Variants in OPA1 observed in about 807,000 individuals in gnomAD.
OPA1 encodes OPA1 mitochondrial dynamin like GTPase.
OPA1 carries 59 observed loss-of-function variants against 152.9 expected under a neutral mutation model. That is an observed-to-expected ratio of 0.39 (90% CI 0.31 to 0.48). OPA1 has a LOEUF of 0.48. Ranked by LOEUF, OPA1 falls within the 20% of genes least tolerant of loss-of-function variation. The pLI is 0.96. For missense variants in OPA1, 1,008 were observed against 1,216.8 expected, an observed-to-expected ratio of 0.83 and a Z score of 2.55; for synonymous variants, 400 against 389.9, an observed-to-expected ratio of 1.03 and a Z score of -0.31.
chr3:193,691,279 A>G (rs1373041601), intron 29 of OPA1: 1 of 152,204 alleles, frequency 6.6e-6, no homozygotes, highest in Admixed American at 6.5e-5. Flanking sequence ...GACTTTTCCA[A>G]TTTTAAGAGG....
At chr3:193,675,648 T>G (rs554217779) in intron 29 of OPA1, among the ~76,000 whole-genome samples, 8 of 152,338 alleles carry the variant, frequency 5.3e-5, no homozygotes, top group African/African-American at 1.9e-4. Context: ...CTGCCAGTGT[T>G]GTTTAATTGA....
At chr3:193,628,107 A>G (rs1190914684) in intron 7 of OPA1, among the ~76,000 whole-genome samples, 1 of 152,128 alleles carries the variant, frequency 6.6e-6, no homozygotes, top group Non-Finnish European at 1.5e-5. Flanking sequence ...ATAATGATCA[A>G]AATCCTAATT....
In OPA1 at chr3:193,695,652, C is replaced by A. The variant is rs1156493144; in HGVS notation, c.*1052C>A. ...TTTTAAATAAATATTTTTTAATTGG[C>A]TAAAGGACATTCAAGCAAAGAAATG... On this transcript the variant is annotated 3_prime_UTR_variant, in exon 31 of 31. Transcript: ENST00000361510. 2 of 152,106 alleles carry A rather than the reference C, an allele frequency of 1.3e-5. No individual in the cohort carries two copies. The highest frequency in any genetic ancestry group is 4.8e-5 in the African/African-American group (2 of 41,424). The allele number at this position is 152,106 out of a possible 1,614,324, so 9.4% of individuals were successfully genotyped here.
intron 19 of OPA1, 72 bp from the exon 20 acceptor site, chr3:193,647,998 T>C (rs1360489955): frequency 9.2e-7 from 1 of 1,083,904 alleles, no homozygotes; most frequent in African/African-American, 1.5e-5. Flanking sequence ...AGGATATGTA[T>C]TTTAACCACT....
chr3:193,606,590 A>G (rs1374387077), intron 1 of OPA1, among the ~76,000 whole-genome samples: 1 of 152,230 alleles, frequency 6.6e-6, no homozygotes, highest in African/African-American at 2.4e-5. Flanking sequence ...TACAAAGGAC[A>G]TTAACTCATC....
Position 193,617,160 on chromosome 3 carries a change from T to G in OPA1, c.449-18T>G. 2 of 1,412,598 alleles carry G rather than the reference T, an allele frequency of 1.4e-6. No individual in the cohort carries two copies. The highest frequency in any genetic ancestry group is 2.0e-6 in the Non-Finnish European group (2 of 996,550). The allele number at this position is 1,412,598 out of a possible 1,614,324, so 87.5% of individuals were successfully genotyped here. On this transcript the variant is annotated intron_variant, in intron 3 of 30. Transcript: ENST00000361510. ...TATTTTCTTAGTTTCATACTCTATA[T>G]GTTTTGATCTTTTCCAGAGAAAATT... is the stretch of plus-strand genomic sequence containing the variant.
At chr3:193,654,544 A>C (rs1713331648) in intron 21 of OPA1, among the ~76,000 whole-genome samples, 1 of 152,132 alleles carries the variant, frequency 6.6e-6, no homozygotes, top group Non-Finnish European at 1.5e-5. Context: ...CAGCATGATG[A>C]ACCTCAAAAT....
At position 193,643,169 on chromosome 3, in the gene OPA1, A is replaced by T. The variant is rs1046110334; in HGVS notation, c.1305+120A>T. ...TGCTATCTAGATATGTAGAGCTTTT[A>T]AAAAAAAATCCAAATAATATATCAT... On this transcript the variant is annotated intron_variant, in intron 13 of 30. Transcript: ENST00000361510. 267 of 871,340 alleles carry T rather than the reference A, an allele frequency of 3.1e-4. No individual in the cohort carries two copies. The African/African-American group carries it at 4.0e-3, about 13-fold the overall frequency. The allele number at this position is 871,340 out of a possible 1,614,324, so 54.0% of individuals were successfully genotyped here. A position where few individuals can be genotyped will look rare whatever the true frequency, so the allele number is the denominator to read the frequency against.
rs139008206 is a variant in OPA1 at position 193,670,878 on chromosome 3, G to GA, written c.2983+3601dup. Among the ~76,000 whole-genome samples, 852 of 152,270 alleles carry GA rather than the reference G, an allele frequency of 5.6e-3. 10 individuals carry two copies. The highest frequency in any genetic ancestry group is 0.019 in the African/African-American group (798 of 41,568). On this transcript the variant is annotated intron_variant, in intron 29 of 30. Coordinates refer to ENST00000361510, the MANE Select transcript of OPA1 (RefSeq NM_130837.3). ...TGGTAGATTCCATAGCTGGAGCAGG[G>GA]AAAGGACAGGATGAGCCTGTGGGTG...
At position 193,645,795 on chromosome 3, in the gene OPA1, C is replaced by A; in HGVS notation, c.1749C>A (p.Leu583=). 1 of 1,608,406 alleles carries A rather than the reference C, an allele frequency of 6.2e-7. No homozygotes were observed. The highest frequency in any genetic ancestry group is 8.5e-7 in the Non-Finnish European group (1 of 1,175,240). ...YEEEFFQNSK[L]LKTSMLKAHQ... ...AAGAGTTTTTTCAGAATTCAAAGCT[C>A]CTAAAGTAGGTATCTTGTTAAAACA... The change falls in exon 18 of 31, where the codon CTC becomes CTA. Residue 583 remains leucine, a synonymous_variant. Transcript: ENST00000361510.
chr3:193,594,832 T>C (rs1178161523), intron 1 of OPA1, among the ~76,000 whole-genome samples: 1 of 152,238 alleles, frequency 6.6e-6, no homozygotes, highest in Non-Finnish European at 1.5e-5. Flanking sequence ...TCACAGCCCT[T>C]GGTATTAAAG....
At position 193,626,165 on chromosome 3, in the gene OPA1, G is replaced by A; in HGVS notation, c.752G>A (p.Gly251Asp). 6.2e-7 allele frequency: 1 copy of A among 1,614,058 alleles called. No individual in the cohort carries two copies. Among genetic ancestry groups the A allele is most frequent in the South Asian group, 1.1e-5 (1 of 91,082 alleles). ...EHEEEARRAA[G>D]QYSTSYAQQK... The stretch of plus-strand genomic sequence containing the variant: ...GAAGAGGAAGCGCGCAGAGCCGCTG[G>A]CCAATATAGCACGAGCTATGCCCAA... The change falls in exon 7 of 31, where the codon GGC (glycine) becomes GAC (aspartate). Residue 251 changes from glycine to aspartate, a missense_variant. Gly to Asp is a moderately conservative substitution (Grantham distance 94, BLOSUM62 -1). Around this residue, in one of 7 missense-constraint regions of OPA1, gnomAD observed 408 missense variants for 395.1 expected, o/e 1.03. Transcript: ENST00000361510.
At position 193,686,269 on chromosome 3, in the gene OPA1, C is replaced by T. The variant is rs150104520; in HGVS notation, c.2984-5794C>T. On this transcript the variant is annotated intron_variant, in intron 29 of 30. Transcript: ENST00000361510. ...TTTTGAAGTAGTGAAACTAACCCAG[C>T]GTTTACAGGCCCCAGAAATCTGGGA... is the stretch of plus-strand genomic sequence containing the variant. Among the ~76,000 whole-genome samples the T allele has an allele frequency of 4.3e-4, 65 of 152,286 alleles. 1 individual carries two copies. The highest frequency in any genetic ancestry group is 3.5e-3 in the East Asian group (18 of 5,184).
In OPA1 at chr3:193,656,902, G is replaced by A. The variant is rs528125951; in HGVS notation, c.2179-178G>A. The stretch of plus-strand genomic sequence containing the variant: ...AAGCCATATCTGTCCCCAGCAACCC[G>A]TGTGAGACCTCTACATCATGGTTTA... On this transcript the variant is annotated intron_variant, in intron 22 of 30. Transcript: ENST00000361510. Among the ~76,000 whole-genome samples the A allele has an allele frequency of 6.6e-5, 10 of 152,256 alleles. No individual in the cohort carries two copies. In the South Asian group the frequency reaches 1.9e-3, roughly 28 times the overall value.
intron 29 of OPA1, among the ~76,000 whole-genome samples, chr3:193,676,979 CAAAAAAAAAA>C (rs151218523): frequency 4.2e-5 from 3 of 70,834 alleles, no homozygotes; most frequent in South Asian, 5.8e-4. Flanking sequence ...AGACTCGTCT[CAAAAAAAAAA>C]AAAAAAAAAA....
rs55904490 is a variant in OPA1 at position 193,604,860 on chromosome 3, C to CAAA, written c.33-9850_33-9848dup. On this transcript the variant is annotated intron_variant, in intron 1 of 30. Transcript: ENST00000361510. ...GGGCAACAAGAGTGAAACTCCATCT[C>CAAA]AAAAAAAAAAAAAAAGAAAAAAGAA... 3.6e-3 allele frequency among the ~76,000 whole-genome samples: 380 copies of CAAA among 104,574 alleles called. 8 individuals carry two copies. Among genetic ancestry groups the CAAA allele is most frequent in the South Asian group, 0.02 (55 of 2,706 alleles). 68.6% of individuals were successfully genotyped at this position (104,574 alleles called of 152,430 possible). A position where few individuals can be genotyped will look rare whatever the true frequency, so the allele number is the denominator to read the frequency against.
At chr3:193,633,278 A>C (rs1030572358) in intron 8 of OPA1, among the ~76,000 whole-genome samples, 2 of 152,218 alleles carry the variant, frequency 1.3e-5, no homozygotes, top group Non-Finnish European at 2.9e-5. Context: ...ATCTGTTTTT[A>C]AATGCCCTCA....
intron 29 of OPA1, among the ~76,000 whole-genome samples, chr3:193,682,013 C>G (rs1463555094): frequency 6.6e-6 from 1 of 152,130 alleles, no homozygotes; most frequent in East Asian, 1.9e-4. Context: ...AATGATTAAG[C>G]TTAGTAAAGG....
At chr3:193,679,171 G>A (rs1719713527) in intron 29 of OPA1, among the ~76,000 whole-genome samples, 1 of 152,162 alleles carries the variant, frequency 6.6e-6, no homozygotes, top group Admixed American at 6.5e-5. Flanking sequence ...GGACTTAAGT[G>A]CAGCAGACCA....
Sources: gnomAD v4.1 joint callset for allele counts (sites outside exome capture counted in the v4.1 genomes callset) on GRCh38, gnomAD v4.1.1 for gene constraint, gnomAD v4.1.1 regional missense constraint, MANE v1.5 for transcripts, NCBI Gene and HGNC (gene_info 2026-07-23, HGNC 2026-07-21) for gene names.